Variants in NFIA observed in about 807,000 individuals in gnomAD.
NFIA encodes nuclear factor 1 A-type.
In NFIA, 8 loss-of-function variants were observed where a neutral mutation model predicts 62.8. That is an observed-to-expected ratio of 0.13 (90% CI 0.07 to 0.23). The LOEUF is 0.23. NFIA is among the 10% of genes least tolerant of loss of function. NFIA has a pLI of 1.00. For missense variants in NFIA, 410 were observed against 642.1 expected, an observed-to-expected ratio of 0.64 and a Z score of 3.91; for synonymous variants, 235 against 238.1, an observed-to-expected ratio of 0.99 and a Z score of 0.12.
intron 3 of NFIA, among the ~76,000 whole-genome samples, chr1:61,315,078 T>G (rs989479419): frequency 6.6e-6 from 1 of 152,184 alleles, no homozygotes; most frequent in African/African-American, 2.4e-5. Context: ...TCTAACCCTT[T>G]TAATGGTAGT....
At chr1:61,145,856 G>C (rs932396230) in intron 2 of NFIA, among the ~76,000 whole-genome samples, 2 of 152,074 alleles carry the variant, frequency 1.3e-5, no homozygotes, top group African/African-American at 4.8e-5. Flanking sequence ...TGGTGCCCTG[G>C]GTTTGTGGGG....
In NFIA at chr1:61,213,083, A is replaced by G. The variant is rs181705083; in HGVS notation, c.560-64437A>G. On this transcript the variant is annotated intron_variant, in intron 2 of 10. Coordinates refer to ENST00000403491, the MANE Select transcript of NFIA (RefSeq NM_001134673.4). ...TCAGGCAGTTGGATCAATTGCAGTG[A>G]CTGCATCGAAAGAAAAAGACAAAAA... Among the ~76,000 whole-genome samples the G allele has an allele frequency of 4.6e-5, 7 of 152,312 alleles. No individual in the cohort carries two copies. In the East Asian group the frequency reaches 9.6e-4, roughly 21 times the overall value.
intron 5 of NFIA, among the ~76,000 whole-genome samples, chr1:61,355,863 T>C (rs1490771304): frequency 1.3e-5 from 2 of 152,176 alleles, no homozygotes; most frequent in African/African-American, 2.4e-5. Flanking sequence ...GTTGGAATTA[T>C]AGGTGTGAGC....
At chr1:61,174,643 A>G (rs1340101424) in intron 2 of NFIA, among the ~76,000 whole-genome samples, 2 of 152,204 alleles carry the variant, frequency 1.3e-5, no homozygotes, top group Admixed American at 6.5e-5. Flanking sequence ...AAACTGAGAA[A>G]GAGGAGTGTG....
At chr1:61,143,303 T>G (rs1647676581) in intron 2 of NFIA, among the ~76,000 whole-genome samples, 1 of 152,230 alleles carries the variant, frequency 6.6e-6, no homozygotes, top group Admixed American at 6.5e-5. Flanking sequence ...TTGACAAACG[T>G]ATGTTTGTGA....
intron 2 of NFIA, among the ~76,000 whole-genome samples, chr1:61,133,975 A>C (rs190532924): frequency 7.9e-5 from 12 of 151,982 alleles, no homozygotes; most frequent in Non-Finnish European, 2.9e-5. Context: ...AAAATACAAA[A>C]ATTAGCCGGG....
intron 2 of NFIA, among the ~76,000 whole-genome samples, chr1:61,189,040 T>G (rs1464505318): frequency 6.6e-6 from 1 of 152,118 alleles, no homozygotes; most frequent in Non-Finnish European, 1.5e-5. Context: ...TTATGACCAG[T>G]CAGGCAAATA....
chr1:61,299,533 T>A (rs1244393913), intron 3 of NFIA, among the ~76,000 whole-genome samples: 1 of 152,206 alleles, frequency 6.6e-6, no homozygotes, highest in Non-Finnish European at 1.5e-5. Context: ...GAACTGTAGA[T>A]AACAAATTTG....
chr1:61,161,189 A>T (rs939531922), intron 2 of NFIA, among the ~76,000 whole-genome samples: 3 of 152,230 alleles, frequency 2.0e-5, no homozygotes, highest in African/African-American at 4.8e-5. Flanking sequence ...TGCTGGGATT[A>T]CAGGTGTGCA....
chr1:61,258,609 G>A (rs1296688464), intron 2 of NFIA, among the ~76,000 whole-genome samples: 1 of 152,132 alleles, frequency 6.6e-6, no homozygotes, highest in East Asian at 1.9e-4. Flanking sequence ...AACCATTGCT[G>A]CAGAAGCCCA....
At chr1:61,100,173 C>A (rs2100434381) in intron 2 of NFIA, among the ~76,000 whole-genome samples, 1 of 152,308 alleles carries the variant, frequency 6.6e-6, no homozygotes, top group East Asian at 1.9e-4. Context: ...TTGAAGGGAA[C>A]CTTAAGGCCC....
rs1225363832 is a variant in NFIA at position 61,461,143 on chromosome 1, A to T, written c.*5823A>T. ...ACTGTGCTGCGAAGACACTCTGAGA[A>T]CATTTGCAAGTCAGGGGCATTTTCC... On this transcript the variant is annotated 3_prime_UTR_variant, in exon 11 of 11. Coordinates refer to ENST00000403491, the MANE Select transcript of NFIA (RefSeq NM_001134673.4). The T allele has an allele frequency of 6.6e-6, 1 of 152,202 alleles. No individual in the cohort carries two copies. The highest frequency in any genetic ancestry group is 1.5e-5 in the Non-Finnish European group (1 of 68,038). The allele number at this position is 152,202 out of a possible 1,614,324, so 9.4% of individuals were successfully genotyped here.
chr1:61,155,590 GT>G lies in NFIA; in HGVS notation c.559+66911del, dbSNP rs1648749580. Among the ~76,000 whole-genome samples, 6 of 144,816 alleles carry G rather than the reference GT, an allele frequency of 4.1e-5. No individual in the cohort carries two copies. In the South Asian group the frequency reaches 1.3e-3, roughly 32 times the overall value. On this transcript the variant is annotated intron_variant, in intron 2 of 10. Transcript: ENST00000403491. ...CAGGAGGCTGAGGCAGGAGGATGGC[GT>G]GAACCCGGGAAGCGGAGCTTGCAGT...
At chr1:61,248,350 A>G (rs966702118) in intron 2 of NFIA, among the ~76,000 whole-genome samples, 7 of 152,300 alleles carry the variant, frequency 4.6e-5, no homozygotes, top group Admixed American at 4.6e-4. Flanking sequence ...AATGCACAGA[A>G]CTTCCTGAAG....
chr1:61,220,977 T>A (rs1433802190), intron 2 of NFIA, among the ~76,000 whole-genome samples: 1 of 152,210 alleles, frequency 6.6e-6, no homozygotes, highest in South Asian at 2.1e-4. Context: ...ATCATAGCTT[T>A]AATTCATTGT....
intron 3 of NFIA, among the ~76,000 whole-genome samples, chr1:61,281,530 G>A (rs542862561): frequency 6.6e-6 from 1 of 152,192 alleles, no homozygotes; most frequent in East Asian, 1.9e-4. Flanking sequence ...GTCAGACATG[G>A]GTTTCCCAAA....
At chr1:61,185,915 A>G (rs1651144527) in intron 2 of NFIA, among the ~76,000 whole-genome samples, 1 of 152,068 alleles carries the variant, frequency 6.6e-6, no homozygotes, top group Non-Finnish European at 1.5e-5. Flanking sequence ...TTGATTACTC[A>G]TTTTATTTAT....
chr1:61,310,658 G>T (rs1357876189), intron 3 of NFIA, among the ~76,000 whole-genome samples: 1 of 152,090 alleles, frequency 6.6e-6, no homozygotes, highest in Non-Finnish European at 1.5e-5. Flanking sequence ...AGAAGTCCCA[G>T]CTCCAGCCAT....
intron 10 of NFIA, 142 bp from the exon 11 acceptor site, chr1:61,455,161 G>T: frequency 7.0e-6 from 5 of 715,940 alleles, no homozygotes; most frequent in South Asian, 3.5e-5. Context: ...ATTTTTTATT[G>T]TCTGTCGTGC....
Sources: allele counts gnomAD v4.1 joint callset (sites outside exome capture counted in the v4.1 genomes callset), GRCh38; gene constraint gnomAD v4.1.1; transcripts MANE v1.5; gene names NCBI Gene and HGNC (gene_info 2026-07-23, HGNC 2026-07-21).